The following LRRTM4 variants were observed in gnomAD, a reference collection of about 807,000 sequenced individuals.
LRRTM4 encodes the protein leucine-rich repeat transmembrane neuronal protein 4.
Under a neutral mutation model 47.6 loss-of-function variants are expected in LRRTM4, and 25 were observed. The ratio of observed to expected loss-of-function variants is 0.53; its 90% confidence interval spans 0.38 to 0.73. LRRTM4 has a LOEUF of 0.73. Among genes scored for constraint, LRRTM4 ranks in the 30% least tolerant of loss-of-function variants. The pLI, the probability that LRRTM4 is intolerant of heterozygous loss-of-function variation, is 0.00. For missense variants in LRRTM4, 638 were observed against 713.4 expected (o/e 0.89, Z 1.20); for synonymous variants, 311 against 269.5 (o/e 1.15, Z -1.51).
intron 3 of LRRTM4, among the ~76,000 whole-genome samples, chr2:77,243,864 C>T (rs941328187): frequency 2.8e-5 from 4 of 140,622 alleles, no homozygotes; most frequent in African/African-American, 1.1e-4. Flanking sequence ...TGCTGCGCTG[C>T]ACCCACTAAC....
At chr2:76,899,816 G>C (rs1226516897) in intron 3 of LRRTM4, among the ~76,000 whole-genome samples, 1 of 152,192 alleles carries the variant, frequency 6.6e-6, no homozygotes, top group Non-Finnish European at 1.5e-5. Context: ...TAGATAGTTA[G>C]ATCTATGAGA....
chr2:77,430,660 G>T (rs1285693320), intron 3 of LRRTM4, among the ~76,000 whole-genome samples: 1 of 147,826 alleles, frequency 6.8e-6, no homozygotes, highest in Non-Finnish European at 1.5e-5. Flanking sequence ...GGCGGAGGTT[G>T]TGGTGAGCTG....
chr2:77,310,442 G>T (rs569391697), intron 3 of LRRTM4, among the ~76,000 whole-genome samples: 1 of 152,200 alleles, frequency 6.6e-6, no homozygotes, highest in South Asian at 2.1e-4. Flanking sequence ...AAAGGAAAAT[G>T]GACTCTTCTG....
At chr2:76,779,883 T>C (rs1674262104) in intron 3 of LRRTM4, among the ~76,000 whole-genome samples, 1 of 152,066 alleles carries the variant, frequency 6.6e-6, no homozygotes, top group Non-Finnish European at 1.5e-5. Context: ...TTGGCATGAT[T>C]TTGCAGCGGC....
chr2:76,809,596 T>C (rs897949449), intron 3 of LRRTM4, among the ~76,000 whole-genome samples: 18 of 152,164 alleles, frequency 1.2e-4, no homozygotes, highest in Non-Finnish European at 2.2e-4. Context: ...GCAATTTCTC[T>C]TCTTCCATTC....
chr2:76,804,812 T>TATCATGTTTTATA (rs1675888209), intron 3 of LRRTM4, among the ~76,000 whole-genome samples: 1 of 150,876 alleles, frequency 6.6e-6, no homozygotes, highest in African/African-American at 2.4e-5. Flanking sequence ...TAACAAATTA[T>TATCATGTTTTATA]TAAACAGACA....
intron 3 of LRRTM4, among the ~76,000 whole-genome samples, chr2:76,935,703 G>C (rs1318166985): frequency 6.6e-6 from 1 of 152,150 alleles, no homozygotes; most frequent in African/African-American, 2.4e-5. Context: ...TGTATCCTGA[G>C]ACTTTGCTGA....
intron 3 of LRRTM4, among the ~76,000 whole-genome samples, chr2:76,972,387 A>G (rs545844295): frequency 3.4e-4 from 51 of 147,854 alleles, no homozygotes; most frequent in African/African-American, 1.2e-3. Context: ...TATCATCGGT[A>G]GTCCATTCAT....
intron 3 of LRRTM4, among the ~76,000 whole-genome samples, chr2:76,968,406 AT>A (rs1032800896): frequency 1.4e-5 from 2 of 144,316 alleles, no homozygotes; most frequent in African/African-American, 5.0e-5. Context: ...ATACATATAT[AT>A]GTAGTAAAAT....
chr2:76,913,641 G>A (rs1381198743), intron 3 of LRRTM4, among the ~76,000 whole-genome samples: 1 of 149,222 alleles, frequency 6.7e-6, no homozygotes, highest in Non-Finnish European at 1.5e-5. Flanking sequence ...CAGGGATAAA[G>A]TGATTCTCGT....
At chr2:76,831,026 G>A (rs989856621) in intron 3 of LRRTM4, among the ~76,000 whole-genome samples, 1 of 152,056 alleles carries the variant, frequency 6.6e-6, no homozygotes, top group Admixed American at 6.6e-5. Context: ...TTACTCTTAA[G>A]AATATTTGTG....
chr2:77,159,902 T>C (rs532786345), intron 3 of LRRTM4, among the ~76,000 whole-genome samples: 21 of 152,234 alleles, frequency 1.4e-4, no homozygotes, highest in Non-Finnish European at 2.5e-4. Context: ...ATCCATCTGA[T>C]TGTGACAGAA....
chr2:77,180,045 G>T (rs910910552), intron 3 of LRRTM4, among the ~76,000 whole-genome samples: 1 of 152,150 alleles, frequency 6.6e-6, no homozygotes, highest in Non-Finnish European at 1.5e-5. Flanking sequence ...CACTTTATTA[G>T]AATTGCTTAT....
intron 3 of LRRTM4, among the ~76,000 whole-genome samples, chr2:77,082,379 A>T (rs1220611130): frequency 6.6e-6 from 1 of 152,068 alleles, no homozygotes; most frequent in Non-Finnish European, 1.5e-5. Context: ...ATACCTTACT[A>T]TTATGCTGTA....
At chr2:77,283,801 A>G (rs764002805) in intron 3 of LRRTM4, among the ~76,000 whole-genome samples, 1 of 152,060 alleles carries the variant, frequency 6.6e-6, no homozygotes, top group African/African-American at 2.4e-5. Flanking sequence ...CTTGGCAACA[A>G]TAAAAACTGG....
chr2:76,974,590 T>C (rs953908155), intron 3 of LRRTM4, among the ~76,000 whole-genome samples: 2 of 151,446 alleles, frequency 1.3e-5, no homozygotes, highest in South Asian at 2.1e-4. Context: ...CAAATAACTA[T>C]CCAAGTATAT....
intron 3 of LRRTM4, among the ~76,000 whole-genome samples, chr2:76,971,985 AG>A (rs2103942269): frequency 6.6e-6 from 1 of 152,140 alleles, no homozygotes; most frequent in South Asian, 2.1e-4. Context: ...ATTTACTTAC[AG>A]GGGAGCAGAA....
intron 3 of LRRTM4, among the ~76,000 whole-genome samples, chr2:76,900,866 C>G (rs868090333): frequency 6.6e-6 from 1 of 152,082 alleles, no homozygotes; most frequent in African/African-American, 2.4e-5. Context: ...TTAATTAACA[C>G]TCATTGGATT....
intron 3 of LRRTM4, among the ~76,000 whole-genome samples, chr2:77,348,048 CAT>C (rs1491116938): frequency 1.4e-5 from 2 of 138,894 alleles, no homozygotes; most frequent in African/African-American, 2.8e-5. Flanking sequence ...CACACACACA[CAT>C]ATTTACTTAT....
Sources: gnomAD v4.1 joint callset for allele counts (sites outside exome capture counted in the v4.1 genomes callset) on GRCh38, gnomAD v4.1.1 for gene constraint, MANE v1.5 for transcripts, NCBI Gene and HGNC (gene_info 2026-07-23, HGNC 2026-07-21) for gene names.